RGMB: variants seen among roughly 807,000 people sequenced by gnomAD.
RGMB encodes repulsive guidance molecule B.
A neutral mutation model predicts 26.9 loss-of-function variants in RGMB; 16 were observed. That is an observed-to-expected ratio of 0.60 (90% CI 0.40 to 0.90). RGMB has a LOEUF of 0.90. Ranked by LOEUF, RGMB falls within the 40% of genes least tolerant of loss-of-function variation. The pLI is 0.00. For missense variants in RGMB, 512 were observed against 573.3 expected (o/e 0.89, Z 1.09); for synonymous variants, 225 against 229.3 (o/e 0.98, Z 0.17).
intron 1 of RGMB, 141 bp from the exon 2 acceptor site, chr5:98,779,439 C>T (rs1746516229): frequency 4.0e-6 from 3 of 757,936 alleles, no homozygotes; most frequent in Non-Finnish European, 5.9e-6. Flanking sequence ...CAATGAAACC[C>T]TGTATCTGAA....
At position 98,793,739 on chromosome 5, in the gene RGMB, A is replaced by T; in HGVS notation, c.1300A>T (p.Ile434Phe). Reference sequence around the variant, plus strand: ...TCTAGGACTCACCTGCTTGATCCTTATCGTGTTTTTGTAGGGGTTGTCTTT... The same window carrying T: ...TCTAGGACTCACCTGCTTGATCCTTTTCGTGTTTTTGTAGGGGTTGTCTTT... ...VSLGLTCLIL[I>F]VFL Residue 434 changes from isoleucine to phenylalanine, a missense_variant, in exon 3 of 3, where the codon ATC (isoleucine) becomes TTC (phenylalanine). Physicochemically the swap from Ile to Phe is conservative, Grantham distance 21 (BLOSUM62 0). Coordinates refer to ENST00000513185, the MANE Select transcript of RGMB (RefSeq NM_001366508.1). 6.4e-7 allele frequency: 1 copy of T among 1,571,340 alleles called. No individual in the cohort carries two copies. The highest frequency in any genetic ancestry group is 8.6e-7 in the Non-Finnish European group (1 of 1,156,578).
At chr5:98,782,484 T>G (rs969114660) in intron 2 of RGMB, among the ~76,000 whole-genome samples, 2 of 152,138 alleles carry the variant, frequency 1.3e-5, no homozygotes, top group African/African-American at 2.4e-5. Flanking sequence ...TTTGAAAAAT[T>G]TTTTCATGGA....
chr5:98,776,772 G>T (rs1746417508), intron 1 of RGMB, among the ~76,000 whole-genome samples: 1 of 152,304 alleles, frequency 6.6e-6, no homozygotes, highest in South Asian at 2.1e-4. Flanking sequence ...TAAGCAGTCA[G>T]CACCTACCTG....
chr5:98,793,444 C>A lies in RGMB; in HGVS notation c.1005C>A (p.His335Gln). 6.2e-7 allele frequency: 1 copy of A among 1,612,372 alleles called. No individual in the cohort carries two copies. The highest frequency in any genetic ancestry group is 1.7e-4 in the Middle Eastern group (1 of 6,058). ...GQGQVSAILG[H>Q]SLPRTSLVQA... The stretch of plus-strand genomic sequence containing the variant: ...GCCAGGTGTCTGCCATCCTGGGACA[C>A]AGCCTGCCTCGCACCTCCTTGGTGC... Residue 335 changes from histidine (H) to glutamine (Q), a missense_variant, in exon 3 of 3, where the codon CAC (histidine) becomes CAA (glutamine). His to Gln is a conservative substitution (Grantham distance 24, BLOSUM62 0). Transcript: ENST00000513185.
chr5:98,789,323 C>T (rs1195545778), intron 2 of RGMB, among the ~76,000 whole-genome samples: 7 of 152,196 alleles, frequency 4.6e-5, no homozygotes, highest in African/African-American at 1.7e-4. Context: ...CACAAGTAGT[C>T]AAGGTGCACA....
chr5:98,773,948 T>A lies in RGMB; in HGVS notation c.-123T>A. ...TGGCGCCCCATCTGCTACACGGGCC[T>A]GAAGAAGGAAGAAGAGGAAGCGAAG... is the stretch of plus-strand genomic sequence containing the variant. On this transcript the variant is annotated 5_prime_UTR_variant, in exon 1 of 3. The change abolishes the stop of an existing upstream ORF in the 5' untranslated region. Transcript: ENST00000513185. The A allele has an allele frequency of 1.6e-6, 1 of 616,496 alleles. No individual in the cohort carries two copies. Among genetic ancestry groups the A allele is most frequent in the Non-Finnish European group, 2.9e-6 (1 of 341,634 alleles). The allele number at this position is 616,496 out of a possible 1,614,324, so 38.2% of individuals were successfully genotyped here.
chr5:98,773,926 C>T lies in RGMB; in HGVS notation c.-145C>T, dbSNP rs1315398085. ...GCGCTGCTTGCTGCGGCGGTGGTGGCGCCCCATCTGCTACACGGGCCTGAA... is the reference window on the plus strand; with the variant it reads ...GCGCTGCTTGCTGCGGCGGTGGTGGTGCCCCATCTGCTACACGGGCCTGAA... On this transcript the variant is annotated 5_prime_UTR_variant, in exon 1 of 3. Transcript: ENST00000513185. The T allele has an allele frequency of 1.1e-5, 6 of 559,404 alleles. No individual in the cohort carries two copies. Among genetic ancestry groups the T allele is most frequent in the East Asian group, 3.5e-5 (1 of 28,452 alleles). 34.7% of individuals were successfully genotyped at this position (559,404 alleles called of 1,614,324 possible). A position where few individuals can be genotyped will look rare whatever the true frequency, so the allele number is the denominator to read the frequency against.
At position 98,774,258 on chromosome 5, in the gene RGMB, C is replaced by G. The variant is rs1261808376; in HGVS notation, c.136+52C>G. ...CAGCCCCGGGGCCTAGGGCTTTGTT[C>G]CCAAATAGCCCCAGGTCTCGAAGGC... is the stretch of plus-strand genomic sequence containing the variant. On this transcript the variant is annotated intron_variant, in intron 1 of 2. Transcript: ENST00000513185. The G allele has an allele frequency of 5.2e-6, 7 of 1,339,186 alleles. No homozygotes were observed. In the African/African-American group the frequency reaches 1.1e-4, roughly 21 times the overall value. The allele number at this position is 1,339,186 out of a possible 1,614,324, so 83.0% of individuals were successfully genotyped here. A position where few individuals can be genotyped will look rare whatever the true frequency, so the allele number is the denominator to read the frequency against.
chr5:98,779,802 AT>A lies in RGMB; in HGVS notation c.361del (p.Cys121ValfsTer14). The stretch of plus-strand genomic sequence containing the variant: ...ATCAGTGACCTCATGAGCCAGAGGA[AT>A]TGTTCCAAGGATGGACCCACATCCT... ...LGISDLMSQRNCSKDGPTSST... is the reference protein window; with the variant it reads ...LGISDLMSQRXCSKDGPTSST... On this transcript the variant is annotated frameshift_variant, in exon 2 of 3. Coordinates refer to ENST00000513185, the MANE Select transcript of RGMB (RefSeq NM_001366508.1). LOFTEE classifies it high-confidence loss of function. The A allele has an allele frequency of 6.2e-7, 1 of 1,614,044 alleles. No homozygotes were observed. The highest frequency in any genetic ancestry group is 2.2e-5 in the East Asian group (1 of 44,886).
intron 1 of RGMB, among the ~76,000 whole-genome samples, chr5:98,778,194 C>A (rs1746474925): frequency 6.6e-6 from 1 of 152,152 alleles, no homozygotes. Flanking sequence ...GATTTAAGAG[C>A]AGTTTACTAG....
chr5:98,790,958 A>G (rs551407484), intron 2 of RGMB, among the ~76,000 whole-genome samples: 5 of 152,222 alleles, frequency 3.3e-5, no homozygotes, highest in Admixed American at 2.0e-4. Context: ...TCTTGAATCA[A>G]TCTTTTCATC....
Position 98,794,056 on chromosome 5 carries a change from C to T in RGMB, c.*303C>T, listed in dbSNP as rs1580300320. On this transcript the variant is annotated 3_prime_UTR_variant, in exon 3 of 3. Coordinates refer to ENST00000513185, the MANE Select transcript of RGMB (RefSeq NM_001366508.1). ...TATATATTAAATATTTATGTGTGTG[C>T]TTGGTTGATATGTATAGTACATATA... The T allele has an allele frequency of 1.3e-5, 3 of 233,882 alleles. No individual in the cohort carries two copies. Among genetic ancestry groups the T allele is most frequent in the Admixed American group, 5.1e-5 (1 of 19,512 alleles). The allele number at this position is 233,882 out of a possible 1,614,324, so 14.5% of individuals were successfully genotyped here.
chr5:98,770,264 A>T (rs548374086), upstream of RGMB: 513 of 194,644 alleles, frequency 2.6e-3, 5 homozygotes, highest in Non-Finnish European at 1.2e-3. Context: ...CTGGAAGAAA[A>T]GCCTAAATAC....
At chr5:98,788,689 G>C (rs1746835789) in intron 2 of RGMB, among the ~76,000 whole-genome samples, 1 of 152,244 alleles carries the variant, frequency 6.6e-6, no homozygotes, top group Non-Finnish European at 1.5e-5. Context: ...GGCGGGTAGG[G>C]AGGAGTGGGA....
intron 1 of RGMB, among the ~76,000 whole-genome samples, chr5:98,774,911 C>T (rs962336061): frequency 1.4e-4 from 22 of 152,086 alleles, no homozygotes; most frequent in African/African-American, 4.6e-4. Flanking sequence ...GGCGTATGTT[C>T]CAAGGGAAGT....
intron 2 of RGMB, among the ~76,000 whole-genome samples, chr5:98,790,572 T>C (rs985137664): frequency 6.6e-6 from 1 of 152,168 alleles, no homozygotes; most frequent in African/African-American, 2.4e-5. Context: ...GAGTTGGAAT[T>C]GGTGTGCTTA....
rs1461805907 is a variant in RGMB at position 98,795,189 on chromosome 5, G to C, written c.*1436G>C. The C allele has an allele frequency of 1.3e-5, 2 of 152,190 alleles. No individual in the cohort carries two copies. The highest frequency in any genetic ancestry group is 2.9e-5 in the Non-Finnish European group (2 of 68,034). 9.4% of individuals were successfully genotyped at this position (152,190 alleles called of 1,614,324 possible). On this transcript the variant is annotated 3_prime_UTR_variant, in exon 3 of 3. Transcript: ENST00000513185. Reference sequence around the variant, plus strand: ...ATCTGAGAAAGTTAACTCCAGGATAGGTAGGTTTCTATTGTTATAGCTAGA... The same window carrying C: ...ATCTGAGAAAGTTAACTCCAGGATACGTAGGTTTCTATTGTTATAGCTAGA...
intron 2 of RGMB, among the ~76,000 whole-genome samples, chr5:98,787,410 C>G (rs1430047889): frequency 3.9e-5 from 6 of 152,226 alleles, no homozygotes; most frequent in Non-Finnish European, 8.8e-5. Context: ...CCACCTCTCT[C>G]TACCAGGAGA....
chr5:98,769,557 C>G (rs1056324132), upstream of RGMB: 3 of 152,402 alleles, frequency 2.0e-5, no homozygotes, highest in African/African-American at 7.2e-5. Context: ...CTCCGCGCCT[C>G]GGCCGCGTGG....
Sources: gnomAD v4.1 joint callset for allele counts (sites outside exome capture counted in the v4.1 genomes callset) on GRCh38, gnomAD v4.1.1 for gene constraint, MANE v1.5 for transcripts, NCBI Gene and HGNC (gene_info 2026-07-23, HGNC 2026-07-21) for gene names.